The following TSPYL5 variants were observed in gnomAD, a reference collection of about 807,000 sequenced individuals.
TSPYL5 encodes testis-specific Y-encoded-like protein 5.
For missense variants in TSPYL5, 556 were observed against 555.5 expected, an observed-to-expected ratio of 1.00 and a Z score of -0.01; for synonymous variants, 276 against 236.1, an observed-to-expected ratio of 1.17 and a Z score of -1.55.
rs913594186 is a variant in TSPYL5, at chr8:97,275,058, G to A, written c.*1533C>T. ...AACAGCAGGAGGCACTTGGGTCTTA[G>A]GAAGCATTAAAACAAAGTCAAAACA... On this transcript the variant is annotated 3_prime_UTR_variant, in exon 1 of 1. Transcript: ENST00000322128. 21 of 152,564 alleles carry A rather than the reference G, an allele frequency of 1.4e-4. No homozygotes were observed. The highest frequency in any genetic ancestry group is 5.1e-4 in the African/African-American group (21 of 41,430). The allele number at this position is 152,564 out of a possible 1,614,324, so 9.5% of individuals were successfully genotyped here. A position where few individuals can be genotyped will look rare whatever the true frequency, so the allele number is the denominator to read the frequency against.
Position 97,277,279 on chromosome 8 carries a change from C to T in TSPYL5, c.566G>A (p.Arg189Lys). The change falls in exon 1 of 1, where the codon AGG becomes AAG. Residue 189 changes from arginine to lysine, a missense_variant. By Grantham distance (26) the Arg-to-Lys change is conservative. Coordinates refer to ENST00000322128, the MANE Select transcript of TSPYL5 (RefSeq NM_033512.3). This position sits in a 1 kb window ranked among gnomAD's most constrained non-coding sequence, Gnocchi z 4.5. ...CGCTGGGGGCCCCGACCCTGCATCC[C>T]TCTCTTCCTTCTTTTCCTCCCCAGC... ...VSAGEEKKEE[R>K]DAGSGPPATE... 6.2e-7 allele frequency: 1 copy of T among 1,613,764 alleles called. No homozygotes were observed. The highest frequency in any genetic ancestry group is 8.5e-7 in the Non-Finnish European group (1 of 1,179,772).
chr8:97,276,879 C>G lies in TSPYL5; in HGVS notation c.966G>C (p.Val322=). Residue 322 remains valine, a synonymous_variant, in exon 1 of 1, where the codon GTG becomes GTC. Transcript: ENST00000322128. The part of the protein sequence containing the change: ...EYGCGPSGQV[V]SRSTPIQWLP... ...GCCACTGGATTGGAGTAGAACGAGA[C>G]ACCACCTGGCCAGAAGGACCACACC... 1.2e-6 allele frequency: 2 copies of G among 1,614,180 alleles called. No individual in the cohort carries two copies. The highest frequency in any genetic ancestry group is 1.7e-6 in the Non-Finnish European group (2 of 1,180,028).
rs1410460864 is a variant in TSPYL5, at chr8:97,275,578, CG to C, written c.*1012del. 2.6e-5 allele frequency: 4 copies of C among 152,138 alleles called. No individual in the cohort carries two copies. Among genetic ancestry groups the C allele is most frequent in the Admixed American group, 2.6e-4 (4 of 15,264 alleles). 9.4% of individuals were successfully genotyped at this position (152,138 alleles called of 1,614,324 possible). A position where few individuals can be genotyped will look rare whatever the true frequency, so the allele number is the denominator to read the frequency against. On this transcript the variant is annotated 3_prime_UTR_variant, in exon 1 of 1. Coordinates refer to ENST00000322128, the MANE Select transcript of TSPYL5 (RefSeq NM_033512.3). ...TATGGCACTCTGCTCACATCTTAGACGGGAATAAGGGAAGTTGACAATGGTA... is the reference window on the plus strand; with the variant it reads ...TATGGCACTCTGCTCACATCTTAGACGGAATAAGGGAAGTTGACAATGGTA...
Position 97,276,223 on chromosome 8 carries a change from G to A in TSPYL5, c.*368C>T. On this transcript the variant is annotated 3_prime_UTR_variant, in exon 1 of 1. Coordinates refer to ENST00000322128, the MANE Select transcript of TSPYL5 (RefSeq NM_033512.3). ...AGCCCAGCAAGTCACTGGCCCTGAA[G>A]GAGCAGAGCTTGAGGATGCACTGGT... The A allele has an allele frequency of 4.8e-6, 1 of 210,246 alleles. No individual in the cohort carries two copies. Among genetic ancestry groups the A allele is most frequent in the Non-Finnish European group, 9.5e-6 (1 of 105,254 alleles). 13.0% of individuals were successfully genotyped at this position (210,246 alleles called of 1,614,324 possible).
At position 97,276,417 on chromosome 8, in the gene TSPYL5, A is replaced by G; in HGVS notation, c.*174T>C. 1 of 824,540 alleles carries G rather than the reference A, an allele frequency of 1.2e-6. No homozygotes were observed. Among genetic ancestry groups the G allele is most frequent in the Non-Finnish European group, 1.9e-6 (1 of 514,964 alleles). 51.1% of individuals were successfully genotyped at this position (824,540 alleles called of 1,614,324 possible). A position where few individuals can be genotyped will look rare whatever the true frequency, so the allele number is the denominator to read the frequency against. Reference sequence around the variant, plus strand: ...CACATAACATGTGACACTAACGTAGAAAAGCAAGAGGCTATGGGAGGCAAA... The same window carrying G: ...CACATAACATGTGACACTAACGTAGGAAAGCAAGAGGCTATGGGAGGCAAA... On this transcript the variant is annotated 3_prime_UTR_variant, in exon 1 of 1. Coordinates refer to ENST00000322128, the MANE Select transcript of TSPYL5 (RefSeq NM_033512.3).
chr8:97,277,277 C>G lies in TSPYL5; in HGVS notation c.568G>C (p.Asp190His), dbSNP rs1810539046. 1 of 1,613,718 alleles carries G rather than the reference C, an allele frequency of 6.2e-7. No individual in the cohort carries two copies. The highest frequency in any genetic ancestry group is 8.5e-7 in the Non-Finnish European group (1 of 1,179,750). Residue 190 changes from aspartate (D) to histidine (H), a missense_variant, in exon 1 of 1, where the codon GAT becomes CAT. By Grantham distance (81) the Asp-to-His change is moderately conservative. Coordinates refer to ENST00000322128, the MANE Select transcript of TSPYL5 (RefSeq NM_033512.3). The surrounding 1 kb of genome is among the most constrained non-coding windows in gnomAD (Gnocchi z 4.5). ...SAGEEKKEER[D>H]AGSGPPATEG... The stretch of plus-strand genomic sequence containing the variant: ...GTCGCTGGGGGCCCCGACCCTGCAT[C>G]CCTCTCTTCCTTCTTTTCCTCCCCA...
Position 97,277,134 on chromosome 8 carries a change from G to C in TSPYL5, c.711C>G (p.His237Gln), listed in dbSNP as rs1563629023. The C allele has an allele frequency of 6.2e-7, 1 of 1,610,602 alleles. No homozygotes were observed. The highest frequency in any genetic ancestry group is 1.7e-5 in the Admixed American group (1 of 60,032). ...GGATGAGGTGGTTCCTGCGCTCCAA[G>C]TGCTGCAGTCGCAACTGCCCAAACT... ...SRKFGQLRLQHLERRNHLIQN... is the reference protein window; with the variant it reads ...SRKFGQLRLQQLERRNHLIQN... The change falls in exon 1 of 1, where the codon CAC (histidine) becomes CAG (glutamine). Residue 237 changes from histidine (H) to glutamine (Q), a missense_variant. By Grantham distance (24) the His-to-Gln change is conservative. Coordinates refer to ENST00000322128, the MANE Select transcript of TSPYL5 (RefSeq NM_033512.3). This position sits in a 1 kb window ranked among gnomAD's most constrained non-coding sequence, Gnocchi z 4.5.
rs991268680 is a variant in TSPYL5, at chr8:97,276,589, G to A, written c.*2C>T. ...GGAGGTAGCAGGGAGACTTGTGCAGGATCAGTTGGATTGGCTCACCCCAGG... is the reference window on the plus strand; with the variant it reads ...GGAGGTAGCAGGGAGACTTGTGCAGAATCAGTTGGATTGGCTCACCCCAGG... On this transcript the variant is annotated 3_prime_UTR_variant, in exon 1 of 1. Coordinates refer to ENST00000322128, the MANE Select transcript of TSPYL5 (RefSeq NM_033512.3). The A allele has an allele frequency of 6.2e-7, 1 of 1,611,308 alleles. No individual in the cohort carries two copies. The highest frequency in any genetic ancestry group is 1.3e-5 in the African/African-American group (1 of 74,806).
chr8:97,277,876 T>C lies in TSPYL5; in HGVS notation c.-32A>G, dbSNP rs148590867. ...GGCGGAGGCAGCTTCAAAGACACGC[T>C]GTGACCCTGCGGCTCCTGACGCCAG... On this transcript the variant is annotated 5_prime_UTR_variant, in exon 1 of 1. Transcript: ENST00000322128. This position sits in a 1 kb window ranked among gnomAD's most constrained non-coding sequence, Gnocchi z 4.5. 0.012 allele frequency: 16,707 copies of C among 1,380,524 alleles called. 138 individuals are homozygous for C. Among genetic ancestry groups the C allele is most frequent in the Non-Finnish European group, 0.014 (14,861 of 1,069,606 alleles). The allele number at this position is 1,380,524 out of a possible 1,614,324, so 85.5% of individuals were successfully genotyped here. A position where few individuals can be genotyped will look rare whatever the true frequency, so the allele number is the denominator to read the frequency against.
chr8:97,276,441 A>T lies in TSPYL5; in HGVS notation c.*150T>A. ...GAAAAGCAAGAGGCTATGGGAGGCA[A>T]AAGAACATGATCATAAATGCCATAT... is the stretch of plus-strand genomic sequence containing the variant. On this transcript the variant is annotated 3_prime_UTR_variant, in exon 1 of 1. Transcript: ENST00000322128. 1 of 1,052,260 alleles carries T rather than the reference A, an allele frequency of 9.5e-7. No homozygotes were observed. The highest frequency in any genetic ancestry group is 1.4e-6 in the Non-Finnish European group (1 of 716,110). 65.2% of individuals were successfully genotyped at this position (1,052,260 alleles called of 1,614,324 possible).
chr8:97,275,909 G>A lies in TSPYL5; in HGVS notation c.*682C>T, dbSNP rs921850480. ...GAAAGTTCACCAGTAGAAGGGCCCA[G>A]AAGCAAGAAGAGACACATGATGGTA... On this transcript the variant is annotated 3_prime_UTR_variant, in exon 1 of 1. Coordinates refer to ENST00000322128, the MANE Select transcript of TSPYL5 (RefSeq NM_033512.3). 2.6e-5 allele frequency: 4 copies of A among 152,308 alleles called. No individual in the cohort carries two copies. Among genetic ancestry groups the A allele is most frequent in the Non-Finnish European group, 5.9e-5 (4 of 68,118 alleles). The allele number at this position is 152,308 out of a possible 1,614,324, so 9.4% of individuals were successfully genotyped here.
chr8:97,277,677 G>A lies in TSPYL5; in HGVS notation c.168C>T (p.Gly56=). 3 of 1,501,122 alleles carry A rather than the reference G, an allele frequency of 2.0e-6. No individual in the cohort carries two copies. The highest frequency in any genetic ancestry group is 2.4e-5 in the Admixed American group (1 of 42,062). The allele number at this position is 1,501,122 out of a possible 1,614,324, so 93.0% of individuals were successfully genotyped here. A position where few individuals can be genotyped will look rare whatever the true frequency, so the allele number is the denominator to read the frequency against. The change falls in exon 1 of 1, where the codon GGC becomes GGT. Residue 56 remains glycine, a synonymous_variant. Coordinates refer to ENST00000322128, the MANE Select transcript of TSPYL5 (RefSeq NM_033512.3). This position sits in a 1 kb window ranked among gnomAD's most constrained non-coding sequence, Gnocchi z 4.5. ...EDTQAAQVQA[G]AGWGGLEAAA... ...CGGCTTCCAGGCCACCCCACCCCGC[G>A]CCAGCCTGCACCTGTGCCGCCTGGG... is the stretch of plus-strand genomic sequence containing the variant.
In TSPYL5 at chr8:97,276,583, G is replaced by T. The variant is rs1370311161; in HGVS notation, c.*8C>A. 3 of 1,609,982 alleles carry T rather than the reference G, an allele frequency of 1.9e-6. No homozygotes were observed. The highest frequency in any genetic ancestry group is 2.5e-6 in the Non-Finnish European group (3 of 1,177,948). On this transcript the variant is annotated 3_prime_UTR_variant, in exon 1 of 1. Transcript: ENST00000322128. ...CCAGCAGGAGGTAGCAGGGAGACTTGTGCAGGATCAGTTGGATTGGCTCAC... is the reference window on the plus strand; with the variant it reads ...CCAGCAGGAGGTAGCAGGGAGACTTTTGCAGGATCAGTTGGATTGGCTCAC...
rs1810467424 is a variant in TSPYL5, at chr8:97,273,848, A to G, written c.*2743T>C. On this transcript the variant is annotated 3_prime_UTR_variant, in exon 1 of 1. Coordinates refer to ENST00000322128, the MANE Select transcript of TSPYL5 (RefSeq NM_033512.3). ...GAACAGTCTCTCTCTTGTTTTGTAGATGCAAGGGAAAGGAAGCATCCCTCT... is the reference window on the plus strand; with the variant it reads ...GAACAGTCTCTCTCTTGTTTTGTAGGTGCAAGGGAAAGGAAGCATCCCTCT... 1.3e-5 allele frequency: 2 copies of G among 152,246 alleles called. No individual in the cohort carries two copies. Among genetic ancestry groups the G allele is most frequent in the Admixed American group, 1.3e-4 (2 of 15,284 alleles). The allele number at this position is 152,246 out of a possible 1,614,324, so 9.4% of individuals were successfully genotyped here. A position where few individuals can be genotyped will look rare whatever the true frequency, so the allele number is the denominator to read the frequency against.
rs1810466631 is a variant in TSPYL5, at chr8:97,273,807, A to G, written c.*2784T>C. ...GTACCTTACCATATCAGAATTTTTG[A>G]AAGAGTTTTACAACAGAACAGTCTC... On this transcript the variant is annotated 3_prime_UTR_variant, in exon 1 of 1. Transcript: ENST00000322128. 6.6e-6 allele frequency: 1 copy of G among 152,296 alleles called. No homozygotes were observed. 9.4% of individuals were successfully genotyped at this position (152,296 alleles called of 1,614,324 possible). A position where few individuals can be genotyped will look rare whatever the true frequency, so the allele number is the denominator to read the frequency against.
Position 97,276,976 on chromosome 8 carries a change from A to T in TSPYL5, c.869T>A (p.Leu290Ter). 1 of 1,614,112 alleles carries T rather than the reference A, an allele frequency of 6.2e-7. No individual in the cohort carries two copies. Residue 290 changes from leucine (L) to a stop codon, truncating the protein, a stop_gained, in exon 1 of 1, where the codon TTG becomes TAG. Coordinates refer to ENST00000322128, the MANE Select transcript of TSPYL5 (RefSeq NM_033512.3). LOFTEE classifies it low-confidence loss of function (END_TRUNC). ...LEVEELGLAR[L>*]GYKIKFYFDR... ...GAAGTAGAACTTGATTTTGTAGCCC[A>T]ATCTGGCAAGGCCGAGCTCTTCCAC...
Position 97,276,410 on chromosome 8 carries a change from A to T in TSPYL5, c.*181T>A. On this transcript the variant is annotated 3_prime_UTR_variant, in exon 1 of 1. Transcript: ENST00000322128. ...GTGCGATCACATAACATGTGACACT[A>T]ACGTAGAAAAGCAAGAGGCTATGGG... 1 of 758,180 alleles carries T rather than the reference A, an allele frequency of 1.3e-6. No individual in the cohort carries two copies. The highest frequency in any genetic ancestry group is 2.5e-5 in the East Asian group (1 of 40,332). 47.0% of individuals were successfully genotyped at this position (758,180 alleles called of 1,614,324 possible).
Position 97,277,564 on chromosome 8 carries a change from G to C in TSPYL5, c.281C>G (p.Ala94Gly). 1 of 1,468,570 alleles carries C rather than the reference G, an allele frequency of 6.8e-7. No homozygotes were observed. The allele number at this position is 1,468,570 out of a possible 1,614,324, so 91.0% of individuals were successfully genotyped here. The change falls in exon 1 of 1, where the codon GCG (alanine) becomes GGG (glycine). Residue 94 changes from alanine to glycine, a missense_variant. By Grantham distance (60) the Ala-to-Gly change is moderately conservative. Transcript: ENST00000322128. This position sits in a 1 kb window ranked among gnomAD's most constrained non-coding sequence, Gnocchi z 4.5. ...DCGLALRARA[A>G]GDHGQAAARP... Reference sequence around the variant, plus strand: ...GGCCGCGGCCTGCCCGTGGTCCCCCGCAGCTCGGGCCCGCAGCGCGAGGCC... The same window carrying C: ...GGCCGCGGCCTGCCCGTGGTCCCCCCCAGCTCGGGCCCGCAGCGCGAGGCC...
chr8:97,277,041 G>C lies in TSPYL5; in HGVS notation c.804C>G (p.Ser268Arg), dbSNP rs770378983. The C allele has an allele frequency of 2.1e-5, 34 of 1,614,110 alleles. No homozygotes were observed. In the South Asian group the frequency reaches 3.5e-4, roughly 17 times the overall value. ...AGTAGCTCAGTACCTCTTTCTCTTG[G>C]CTATTCAGAAAGGATGCTAGCTGGG... is the stretch of plus-strand genomic sequence containing the variant. ...NHPQLASFLN[S>R]QEKEVLSYLN... Residue 268 changes from serine to arginine, a missense_variant, in exon 1 of 1, where the codon AGC becomes AGG. By Grantham distance (110) the Ser-to-Arg change is moderately radical. Coordinates refer to ENST00000322128, the MANE Select transcript of TSPYL5 (RefSeq NM_033512.3). The surrounding 1 kb of genome is among the most constrained non-coding windows in gnomAD (Gnocchi z 4.5).
Sources: allele counts gnomAD v4.1 joint callset, GRCh38; gene constraint gnomAD v4.1.1; non-coding constraint Gnocchi (gnomAD v3.1); transcripts MANE v1.5; gene names NCBI Gene and HGNC (gene_info 2026-07-23, HGNC 2026-07-21).